Variants in ST6GALNAC3 observed in about 807,000 individuals in gnomAD.
The protein encoded by ST6GALNAC3 is alpha-N-acetylgalactosaminide alpha-2,6-sialyltransferase 3.
In ST6GALNAC3, 25 loss-of-function variants were observed where a neutral mutation model predicts 32.7. The ratio of observed to expected loss-of-function variants is 0.76; its 90% CI spans 0.56 to 1.07. ST6GALNAC3 has a LOEUF of 1.07. Among genes scored for constraint, ST6GALNAC3 ranks in the 50% least tolerant of loss-of-function variants. The pLI is 0.00. For synonymous variants in ST6GALNAC3, 129 were observed against 133.1 expected, an observed-to-expected ratio of 0.97 and a Z score of 0.21; for missense variants, 355 against 382.4, an observed-to-expected ratio of 0.93 and a Z score of 0.60.
At position 76,633,436 on chromosome 1, in the gene ST6GALNAC3, G is replaced by C. The variant is rs1416979037; in HGVS notation, c.*4630G>C. ...CTGTTTGTTGCTATTGGTAAGGCTA[G>C]GCTATGTTCTGTTATCACAAAATTC... On this transcript the variant is annotated 3_prime_UTR_variant, in exon 5 of 5. Transcript: ENST00000328299. The C allele has an allele frequency of 1.3e-5, 2 of 152,148 alleles. No individual in the cohort carries two copies. Among genetic ancestry groups the C allele is most frequent in the African/African-American group, 4.8e-5 (2 of 41,422 alleles). 9.4% of individuals were successfully genotyped at this position (152,148 alleles called of 1,614,324 possible).
chr1:76,268,563 A>C (rs2100748826), intron 1 of ST6GALNAC3, among the ~76,000 whole-genome samples: 1 of 152,326 alleles, frequency 6.6e-6, no homozygotes, highest in South Asian at 2.1e-4. Context: ...AGAGAAAGAA[A>C]TTTGATCCCC....
intron 3 of ST6GALNAC3, among the ~76,000 whole-genome samples, chr1:76,623,554 T>G (rs892922185): frequency 6.6e-6 from 1 of 151,898 alleles, no homozygotes; most frequent in African/African-American, 2.4e-5. Flanking sequence ...AGCTGATACA[T>G]AGTTAGTGCT....
chr1:76,327,214 T>A (rs1349836275), intron 2 of ST6GALNAC3, among the ~76,000 whole-genome samples: 1 of 151,950 alleles, frequency 6.6e-6, no homozygotes, highest in Admixed American at 6.6e-5. Context: ...TTTTTCATAG[T>A]GTGTATATTA....
chr1:76,348,402 G>A (rs1383739311), intron 2 of ST6GALNAC3, among the ~76,000 whole-genome samples: 3 of 152,158 alleles, frequency 2.0e-5, no homozygotes, highest in African/African-American at 4.8e-5. Context: ...GGAAAAGGCA[G>A]CTGAGCAGAG....
At chr1:76,525,271 G>T (rs1045629830) in intron 3 of ST6GALNAC3, among the ~76,000 whole-genome samples, 4 of 152,054 alleles carry the variant, frequency 2.6e-5, no homozygotes, top group Non-Finnish European at 5.9e-5. Context: ...AGACGTCTAG[G>T]AACACTGACA....
At chr1:76,150,157 C>T (rs916446185) in intron 1 of ST6GALNAC3, among the ~76,000 whole-genome samples, 4 of 152,174 alleles carry the variant, frequency 2.6e-5, no homozygotes, top group African/African-American at 9.7e-5. Flanking sequence ...GCAGATCCTA[C>T]CCCTGCCTTT....
intron 2 of ST6GALNAC3, among the ~76,000 whole-genome samples, chr1:76,392,910 A>T (rs777255623): frequency 6.6e-6 from 1 of 152,172 alleles, no homozygotes; most frequent in African/African-American, 2.4e-5. Flanking sequence ...TAGCTGCTTC[A>T]ATTTCTAGAT....
At position 76,412,412 on chromosome 1, in the gene ST6GALNAC3, G is replaced by A. The variant is rs17098940; in HGVS notation, c.618G>A (p.Lys206=). 7.5e-3 allele frequency: 11,938 copies of A among 1,597,822 alleles called. 797 individuals are homozygous for A. The African/African-American group carries it at 0.14, about 19-fold the overall frequency. The change falls in exon 3 of 5, where the codon AAG becomes AAA. Residue 206 remains lysine (K), a synonymous_variant. Coordinates refer to ENST00000328299, the MANE Select transcript of ST6GALNAC3 (RefSeq NM_152996.4). The stretch of plus-strand genomic sequence containing the variant: ...GAGTTTTTAAGAAGGAAACTGGGAA[G>A]GACAGGTGAGCCCTCTCTGAAGCAG... ...CDGVFKKETG[K]DRVQSGSYLS... is the part of the protein sequence containing the mutation.
At chr1:76,628,214 T>C (rs1173299433) in intron 4 of ST6GALNAC3, among the ~76,000 whole-genome samples, 2 of 151,938 alleles carry the variant, frequency 1.3e-5, no homozygotes, top group Non-Finnish European at 2.9e-5. Flanking sequence ...ATGGTAACTC[T>C]CAGCCACAGT....
intron 1 of ST6GALNAC3, among the ~76,000 whole-genome samples, chr1:76,156,194 T>C (rs1651407264): frequency 6.6e-6 from 1 of 152,170 alleles, no homozygotes; most frequent in Non-Finnish European, 1.5e-5. Flanking sequence ...ATATTCAGGG[T>C]ACATATTATT....
chr1:76,500,683 A>C (rs1661126456), intron 3 of ST6GALNAC3, among the ~76,000 whole-genome samples: 1 of 152,180 alleles, frequency 6.6e-6, no homozygotes, highest in South Asian at 2.1e-4. Context: ...TTTCCCAAAC[A>C]ATAATCTTTA....
At chr1:76,216,392 C>A (rs1171847552) in intron 1 of ST6GALNAC3, among the ~76,000 whole-genome samples, 1 of 152,322 alleles carries the variant, frequency 6.6e-6, no homozygotes, top group East Asian at 1.9e-4. Context: ...ATCCCCAGGG[C>A]AAGTATAGTG....
intron 3 of ST6GALNAC3, among the ~76,000 whole-genome samples, chr1:76,413,567 A>G (rs1301539328): frequency 1.3e-5 from 2 of 152,136 alleles, no homozygotes; most frequent in Non-Finnish European, 2.9e-5. Context: ...CCTTAGGTGG[A>G]TCAACTCTCC....
chr1:76,601,448 A>G (rs1253047934), intron 3 of ST6GALNAC3, among the ~76,000 whole-genome samples: 1 of 152,218 alleles, frequency 6.6e-6, no homozygotes, highest in Non-Finnish European at 1.5e-5. Flanking sequence ...GTAAAACTAC[A>G]TAAATCATTA....
At chr1:76,541,342 G>T (rs1663978331) in intron 3 of ST6GALNAC3, among the ~76,000 whole-genome samples, 2 of 152,082 alleles carry the variant, frequency 1.3e-5, no homozygotes, top group South Asian at 4.1e-4. Context: ...AAGTCTAGGG[G>T]AAAGAGCCTT....
At chr1:76,096,571 A>G (rs1557609570) in intron 1 of ST6GALNAC3, among the ~76,000 whole-genome samples, 2 of 150,734 alleles carry the variant, frequency 1.3e-5, no homozygotes, top group South Asian at 2.1e-4. Context: ...TATATTTTAT[A>G]TTTATAAATT....
intron 2 of ST6GALNAC3, among the ~76,000 whole-genome samples, chr1:76,387,852 C>T (rs544636968): frequency 6.6e-6 from 1 of 151,970 alleles, no homozygotes; most frequent in Non-Finnish European, 1.5e-5. Context: ...TTGATTTCCC[C>T]TGATAGGCTA....
chr1:76,200,617 TA>T (rs1381099151), intron 1 of ST6GALNAC3, among the ~76,000 whole-genome samples: 1 of 152,170 alleles, frequency 6.6e-6, no homozygotes, highest in Admixed American at 6.5e-5. Flanking sequence ...ATAAATTAGA[TA>T]ATATTGGATG....
In ST6GALNAC3 at chr1:76,074,758, ATG is replaced by A; in HGVS notation, c.-106_-105del. ...GGTCCCCTTATTTGGATCTGCGGGA[ATG>A]TGGGCTGGAGAGGTCCTGCCGTGGT... is the stretch of plus-strand genomic sequence containing the variant. On this transcript the variant is annotated 5_prime_UTR_variant, in exon 1 of 5. The change abolishes the stop of an existing upstream ORF in the 5' untranslated region. Coordinates refer to ENST00000328299, the MANE Select transcript of ST6GALNAC3 (RefSeq NM_152996.4). 1 of 1,210,700 alleles carries A rather than the reference ATG, an allele frequency of 8.3e-7. No individual in the cohort carries two copies. Among genetic ancestry groups the A allele is most frequent in the Admixed American group, 2.3e-5 (1 of 42,720 alleles). The allele number at this position is 1,210,700 out of a possible 1,614,324, so 75.0% of individuals were successfully genotyped here. A position where few individuals can be genotyped will look rare whatever the true frequency, so the allele number is the denominator to read the frequency against.
Sources: gnomAD v4.1 joint callset for allele counts (sites outside exome capture counted in the v4.1 genomes callset) on GRCh38, gnomAD v4.1.1 for gene constraint, MANE v1.5 for transcripts, NCBI Gene and HGNC (gene_info 2026-07-23, HGNC 2026-07-21) for gene names.